ARX: variants seen among roughly 807,000 people sequenced by gnomAD.
The protein encoded by ARX is homeobox protein ARX.
In ARX, 1 loss-of-function variant was observed where a neutral mutation model predicts 23.1. That is an observed-to-expected ratio of 0.04 (90% CI 0.02 to 0.21). The LOEUF (loss-of-function observed/expected upper bound fraction) is 0.21, where lower values mean the gene tolerates loss of function less well. Among genes scored for constraint, ARX ranks in the 10% least tolerant of loss-of-function variants. The pLI, the probability that ARX is intolerant of heterozygous loss-of-function variation, is 1.00. For synonymous variants in ARX, 301 were observed against 270.1 expected (o/e 1.11, Z -1.12); for missense variants, 380 against 527.5 (o/e 0.72, Z 2.74).
chrX:25,013,774 G>C lies in ARX; in HGVS notation c.221C>G (p.Pro74Arg), dbSNP rs1314732642. 1.1e-6 allele frequency: 1 copy of C among 927,287 alleles called. No homozygotes were observed. The allele number at this position is 927,287 out of a possible 1,213,427, so 76.4% of individuals were successfully genotyped here. The stretch of plus-strand genomic sequence containing the variant: ...CGGCAGGTGCAGCTCGGCCTCGAAC[G>C]GGGCGCTGCTGCTCTTAGGGGAGCC... ...VQGSPKSSSA[P>R]FEAELHLPPK... The change falls in exon 2 of 5, where the codon CCG (proline) becomes CGG (arginine). Residue 74 changes from proline (P) to arginine (R), a missense_variant. Pro to Arg is a moderately radical substitution (Grantham distance 103, BLOSUM62 -2). Coordinates refer to ENST00000379044, the MANE Select transcript of ARX (RefSeq NM_139058.3).
intron 2 of ARX, among the ~76,000 whole-genome samples, chrX:25,012,195 C>A (rs1260948801): frequency 8.9e-6 from 1 of 112,693 alleles, no homozygotes. Flanking sequence ...CCCGGTAAAC[C>A]CGTTTACATT....
In ARX at chrX:25,013,131, C is replaced by T; in HGVS notation, c.864G>A (p.Glu288=). 1 of 1,201,445 alleles carries T rather than the reference C, an allele frequency of 8.3e-7. No individual in the cohort carries two copies. The highest frequency in any genetic ancestry group is 1.1e-6 in the Non-Finnish European group (1 of 891,169). The change falls in exon 2 of 5, where the codon GAG becomes GAA. Residue 288 remains glutamate (E), a synonymous_variant. Coordinates refer to ENST00000379044, the MANE Select transcript of ARX (RefSeq NM_139058.3). The part of the protein sequence containing the change: ...AAAAVATEGG[E]LSPKEELLLH... ...GCAGCAGCTCCTCCTTGGGTGACAGCTCCCCGCCCTCTGTGGCCACTGCAG... is the reference window on the plus strand; with the variant it reads ...GCAGCAGCTCCTCCTTGGGTGACAGTTCCCCGCCCTCTGTGGCCACTGCAG...
chrX:25,013,858 C>T (rs1434401955), intron 1 of ARX, 60 bp from the exon 2 acceptor site: 39 of 884,383 alleles, frequency 4.4e-5, no homozygotes, highest in Non-Finnish European at 5.4e-5. Flanking sequence ...GCCAGGGCTG[C>T]TGCCGGGGCC....
intron 2 of ARX, 68 bp downstream of exon 2, chrX:25,012,854 C>T: frequency 8.5e-7 from 1 of 1,172,415 alleles, no homozygotes; most frequent in East Asian, 3.2e-5. Flanking sequence ...CCCTGCCAGC[C>T]CGCTGTCCCT....
chrX:25,007,478 C>G (rs2048683605), intron 3 of ARX, 39 bp from the exon 4 acceptor site: 1 of 1,137,626 alleles, frequency 8.8e-7, no homozygotes, highest in African/African-American at 1.9e-5. Flanking sequence ...CGCGGCTCGG[C>G]CCGGCGGGCG....
chrX:25,015,789 C>G lies in ARX; in HGVS notation c.-52G>C, dbSNP rs753508584. On this transcript the variant is annotated 5_prime_UTR_variant, in exon 1 of 5. Coordinates refer to ENST00000379044, the MANE Select transcript of ARX (RefSeq NM_139058.3). ...AGAGCGGATCGCCGGCTGCCTCTCC[C>G]GGAGGGTGGGATGGATGGGTGTGTG... is the stretch of plus-strand genomic sequence containing the variant. The G allele has an allele frequency of 8.9e-7, 1 of 1,127,862 alleles. No homozygotes were observed. The allele number at this position is 1,127,862 out of a possible 1,213,427, so 92.9% of individuals were successfully genotyped here. A position where few individuals can be genotyped will look rare whatever the true frequency, so the allele number is the denominator to read the frequency against.
Position 25,004,625 on chromosome X carries a change from T to G in ARX, c.*45A>C. On this transcript the variant is annotated 3_prime_UTR_variant, in exon 5 of 5. Coordinates refer to ENST00000379044, the MANE Select transcript of ARX (RefSeq NM_139058.3). Reference sequence around the variant, plus strand: ...TGGTCTTGAGTGGTGCTGAGTGAGGTGACCTTTCGGGGCGCGCGCGGGGCG... The same window carrying G: ...TGGTCTTGAGTGGTGCTGAGTGAGGGGACCTTTCGGGGCGCGCGCGGGGCG... 8.6e-7 allele frequency: 1 copy of G among 1,162,894 alleles called. No homozygotes were observed. Among genetic ancestry groups the G allele is most frequent in the Non-Finnish European group, 1.1e-6 (1 of 872,435 alleles).
chrX:25,014,919 A>T (rs1213474839), intron 1 of ARX, among the ~76,000 whole-genome samples: 4 of 112,367 alleles, frequency 3.6e-5, no homozygotes, highest in Non-Finnish European at 5.6e-5. Context: ...AAATATTTTA[A>T]ACAGCTCGTC....
intron 3 of ARX, among the ~76,000 whole-genome samples, chrX:25,008,649 T>C (rs1165177417): frequency 8.9e-6 from 1 of 112,266 alleles, no homozygotes; most frequent in Non-Finnish European, 1.9e-5. Context: ...TGCACACAAG[T>C]CTGAAAATTA....
chrX:25,009,150 C>T (rs1307477413), intron 3 of ARX, among the ~76,000 whole-genome samples: 1 of 111,476 alleles, frequency 9.0e-6, no homozygotes, highest in Non-Finnish European at 1.9e-5. Flanking sequence ...ATCGTCTCTC[C>T]CGGCTCAACT....
intron 2 of ARX, 115 bp downstream of exon 2, chrX:25,012,807 G>A: frequency 8.8e-7 from 1 of 1,141,152 alleles, no homozygotes; most frequent in Non-Finnish European, 1.2e-6. Flanking sequence ...CTCTTCCACA[G>A]AGTCCAGGAG....
chrX:25,015,287 A>G (rs1331087855), intron 1 of ARX, among the ~76,000 whole-genome samples: 1 of 110,281 alleles, frequency 9.1e-6, no homozygotes, highest in Admixed American at 9.5e-5. Context: ...GGGCATTTAA[A>G]CAACCTAACG....
In ARX at chrX:25,004,360, C is replaced by A. The variant is rs2048667251; in HGVS notation, c.*310G>T. 3 of 283,142 alleles carry A rather than the reference C, an allele frequency of 1.1e-5. No homozygotes were observed. The highest frequency in any genetic ancestry group is 7.5e-5 in the South Asian group (1 of 13,337). The allele number at this position is 283,142 out of a possible 1,213,427, so 23.3% of individuals were successfully genotyped here. ...TTAAATTTTTTACTTCAATATCAGG[C>A]GTCTGGGGGAGAAAACCTCCCCGAT... is the stretch of plus-strand genomic sequence containing the variant. On this transcript the variant is annotated 3_prime_UTR_variant, in exon 5 of 5. Coordinates refer to ENST00000379044, the MANE Select transcript of ARX (RefSeq NM_139058.3).
intron 4 of ARX, among the ~76,000 whole-genome samples, chrX:25,005,796 A>C (rs1469142571): frequency 8.9e-6 from 1 of 112,087 alleles, no homozygotes; most frequent in Non-Finnish European, 1.9e-5. Context: ...CTTCCACCCC[A>C]TGCACACAGC....
chrX:25,008,865 A>G (rs1171051789), intron 3 of ARX, among the ~76,000 whole-genome samples: 1 of 112,247 alleles, frequency 8.9e-6, no homozygotes, highest in African/African-American at 3.2e-5. Context: ...TCGGTCAATT[A>G]CTTCCAAGTC....
intron 4 of ARX, among the ~76,000 whole-genome samples, chrX:25,006,251 C>T (rs1017054806): frequency 1.8e-5 from 2 of 112,512 alleles, no homozygotes; most frequent in African/African-American, 6.5e-5. Context: ...TGCTTCAGTG[C>T]GCTCGCTGTT....
At chrX:25,013,943 CCT>C (rs1292336686) in intron 1 of ARX, 145 bp from the exon 2 acceptor site, 210 of 820,478 alleles carry the variant, frequency 2.6e-4, no homozygotes, top group Non-Finnish European at 3.0e-4. Flanking sequence ...GACGCCTTGG[CCT>C]CTTTCTCCAC....
At chrX:25,008,122 G>A (rs944942684) in intron 3 of ARX, among the ~76,000 whole-genome samples, 4 of 112,797 alleles carry the variant, frequency 3.5e-5, no homozygotes, top group African/African-American at 1.3e-4. Context: ...GGTTCAGAGA[G>A]GGATGAGAGG....
At chrX:25,005,662 T>C (rs751871761) in intron 4 of ARX, among the ~76,000 whole-genome samples, 1 of 112,555 alleles carries the variant, frequency 8.9e-6, no homozygotes, top group South Asian at 3.7e-4. Context: ...CGCGCCCCTG[T>C]AGCCTCTGGC....
Sources: allele counts gnomAD v4.1 joint callset (sites outside exome capture counted in the v4.1 genomes callset), GRCh38; gene constraint gnomAD v4.1.1; transcripts MANE v1.5; gene names NCBI Gene and HGNC (gene_info 2026-07-23, HGNC 2026-07-21).